TACC3: variants seen among roughly 807,000 people sequenced by gnomAD.
TACC3 encodes transforming acidic coiled-coil-containing protein 3.
Under a neutral mutation model 86.0 loss-of-function variants are expected in TACC3, and 52 were observed. That is an observed-to-expected ratio of 0.60 (90% confidence interval 0.48 to 0.76). The LOEUF is 0.76. TACC3 is among the 30% of genes least tolerant of loss of function. The pLI is 0.00. For synonymous variants in TACC3, 512 were observed against 430.0 expected, an observed-to-expected ratio of 1.19 and a Z score of -2.36; for missense variants, 1,120 against 1,070.4, an observed-to-expected ratio of 1.05 and a Z score of -0.65.
intron 13 of TACC3, among the ~76,000 whole-genome samples, chr4:1,742,993 C>T (rs1718667005): frequency 6.6e-6 from 1 of 152,170 alleles, no homozygotes. Flanking sequence ...AAAAACTAGG[C>T]CGGCTTATGC....
intron 6 of TACC3, among the ~76,000 whole-genome samples, chr4:1,731,597 A>G (rs1198480876): frequency 6.6e-6 from 1 of 152,214 alleles, no homozygotes; most frequent in Non-Finnish European, 1.5e-5. Flanking sequence ...GTGTAGAGTC[A>G]ACAACTGGAT....
chr4:1,737,616 G>A lies in TACC3; in HGVS notation c.1855G>A (p.Gly619Ser). ...LDIPVPGPPP[G>S]VPAPGGPPLS... The stretch of plus-strand genomic sequence containing the variant: ...CCCGCAGGTGCCAGGCCCACCCCCA[G>A]GTGTTCCCGCGCCTGGGGGCCCACC... The change falls in exon 10 of 16, where the codon GGT (glycine) becomes AGT (serine). Residue 619 changes from glycine (G) to serine (S), a missense_variant. Physicochemically the swap from Gly to Ser is moderately conservative, Grantham distance 56. Transcript: ENST00000313288. The A allele has an allele frequency of 6.6e-7, 1 of 1,522,770 alleles. No individual in the cohort carries two copies. Among genetic ancestry groups the A allele is most frequent in the Non-Finnish European group, 8.8e-7 (1 of 1,130,846 alleles). The allele number at this position is 1,522,770 out of a possible 1,614,324, so 94.3% of individuals were successfully genotyped here. A position where few individuals can be genotyped will look rare whatever the true frequency, so the allele number is the denominator to read the frequency against.
In TACC3 at chr4:1,744,520, C is replaced by G; in HGVS notation, c.2226C>G (p.Asn742Lys). ...AGCTAATGCCTGCCCCTTCCTAGAACGAAGAGTCACTGAAGAAGTGCGTGG... is the reference window on the plus strand; with the variant it reads ...AGCTAATGCCTGCCCCTTCCTAGAAGGAAGAGTCACTGAAGAAGTGCGTGG... ...QKEVIEGYRK[N>K]EESLKKCVED... Residue 742 changes from asparagine (N) to lysine (K), a missense_variant and splice_region_variant, in exon 14 of 16, where the codon AAC (asparagine) becomes AAG (lysine). Coordinates refer to ENST00000313288, the MANE Select transcript of TACC3 (RefSeq NM_006342.3). 6.2e-7 allele frequency: 1 copy of G among 1,612,562 alleles called. No homozygotes were observed. Among genetic ancestry groups the G allele is most frequent in the Non-Finnish European group, 8.5e-7 (1 of 1,179,616 alleles).
Position 1,735,390 on chromosome 4 carries a change from T to C in TACC3, c.1644+65T>C. 1 of 1,595,738 alleles carries C rather than the reference T, an allele frequency of 6.3e-7. No individual in the cohort carries two copies. The highest frequency in any genetic ancestry group is 2.2e-5 in the East Asian group (1 of 44,798). The stretch of plus-strand genomic sequence containing the variant: ...TGTCCGAGAGCAGCCACGGCAGGTC[T>C]TGCCCCCGGAGCGTCCCTTGGTGCC... On this transcript the variant is annotated intron_variant, in intron 7 of 15. Transcript: ENST00000313288. This position sits in a 1 kb window ranked among gnomAD's most constrained non-coding sequence, Gnocchi z 4.2.
chr4:1,737,978 C>CT (rs1343367746), intron 10 of TACC3: 3 of 532,594 alleles, frequency 5.6e-6, no homozygotes, highest in Non-Finnish European at 1.1e-5. Flanking sequence ...CTCTGGTGGC[C>CT]TTGCAGCAGT....
chr4:1,744,309 A>G, intron 13 of TACC3: 3 of 562,836 alleles, frequency 5.3e-6, no homozygotes, highest in Non-Finnish European at 9.5e-6. Flanking sequence ...CCGGCATCTC[A>G]GGGTGGAGAG....
At chr4:1,734,801 T>C (rs1377423940) in intron 6 of TACC3, among the ~76,000 whole-genome samples, 2 of 151,992 alleles carry the variant, frequency 1.3e-5, no homozygotes, top group Admixed American at 6.6e-5. Context: ...CTCCCTGTAA[T>C]AGGAGTGCAG....
intron 3 of TACC3, among the ~76,000 whole-genome samples, chr4:1,726,986 C>G (rs979786087): frequency 7.2e-5 from 11 of 152,046 alleles, no homozygotes; most frequent in Non-Finnish European, 1.5e-4. Flanking sequence ...ACAAAATTAG[C>G]CAGACATGGT....
rs1717786379 is a variant in TACC3, at chr4:1,728,072, TGCAAAGCGGAGACTCCGCACGGAGCC to T, written c.672_697del (p.Cys224Ter). ...GACTCCGCACGGAGCCGAGGAAGAA[TGCAAAGCGGAGACTCCGCACGGAGCC>T]GAGGAGGAATGCCGGCACGGTGGGG... On this transcript the variant is annotated frameshift_variant, in exon 4 of 16. Transcript: ENST00000313288. LOFTEE classifies it high-confidence loss of function. 6.5e-7 allele frequency: 1 copy of T among 1,542,184 alleles called. No homozygotes were observed. The highest frequency in any genetic ancestry group is 1.5e-5 in the African/African-American group (1 of 66,610).
intron 6 of TACC3, among the ~76,000 whole-genome samples, chr4:1,734,207 A>G (rs1452137206): frequency 4.6e-5 from 7 of 152,100 alleles, no homozygotes; most frequent in Admixed American, 3.9e-4. Flanking sequence ...TTTTTTCCCG[A>G]GACGGAGTCT....
chr4:1,730,199 C>A (rs577817364), intron 4 of TACC3, among the ~76,000 whole-genome samples: 7 of 152,226 alleles, frequency 4.6e-5, no homozygotes, highest in Admixed American at 2.6e-4. Flanking sequence ...CCACCATGCC[C>A]GGCTAATTTT....
rs909356578 is a variant in TACC3, at chr4:1,741,100, T to C, written c.2223+114T>C. On this transcript the variant is annotated intron_variant, in intron 13 of 15. Coordinates refer to ENST00000313288, the MANE Select transcript of TACC3 (RefSeq NM_006342.3). ...CCTTGGTCCTTGGCCAAGCCTCCCC[T>C]TGCCACGGGGGCATGGGATGACCTG... 3 of 1,031,918 alleles carry C rather than the reference T, an allele frequency of 2.9e-6. No homozygotes were observed. The East Asian group carries it at 7.5e-5, about 26-fold the overall frequency. 63.9% of individuals were successfully genotyped at this position (1,031,918 alleles called of 1,614,324 possible).
chr4:1,744,393 G>A (rs918224717), intron 13 of TACC3, 125 bp from the exon 14 acceptor site: 22 of 822,452 alleles, frequency 2.7e-5, no homozygotes, highest in South Asian at 1.9e-4. Context: ...AAAGGAAAAC[G>A]GGAGCTACTG....
rs551450105 is a variant in TACC3 at position 1,730,981 on chromosome 4, G to T, written c.1461+19G>T. The T allele has an allele frequency of 6.2e-7, 1 of 1,613,252 alleles. No homozygotes were observed. Among genetic ancestry groups the T allele is most frequent in the South Asian group, 1.1e-5 (1 of 91,078 alleles). ...GAGCAAGGTAAGGGGTGCTTGTGTG[G>T]GTACCTGTGCTCCTGGCCTGGTCGT... On this transcript the variant is annotated intron_variant, in intron 5 of 15. Transcript: ENST00000313288.
chr4:1,740,677 T>G (rs939590174), intron 12 of TACC3, 149 bp from the exon 13 acceptor site: 6 of 675,372 alleles, frequency 8.9e-6, no homozygotes, highest in Non-Finnish European at 1.6e-5. Context: ...AGATCCTGGG[T>G]GGAGGGACCC....
chr4:1,728,567 G>T lies in TACC3; in HGVS notation c.1165G>T (p.Gly389Ter), dbSNP rs1459318943. ...GGTGGAGGAGGACGACGGTAGGAGC[G>T]GAGCAGGAGAGGACCCCCCCATGCC... ...QEVEEDDGRS[G>*]AGEDPPMPAS... Residue 389 changes from glycine to a stop codon, truncating the protein, a stop_gained, in exon 4 of 16, where the codon GGA becomes TGA. Transcript: ENST00000313288. LOFTEE classifies it high-confidence loss of function. 1 of 1,613,926 alleles carries T rather than the reference G, an allele frequency of 6.2e-7. No individual in the cohort carries two copies. Among genetic ancestry groups the T allele is most frequent in the Non-Finnish European group, 8.5e-7 (1 of 1,179,930 alleles).
chr4:1,737,569 G>A (rs1442008040), intron 9 of TACC3, 29 bp from the exon 10 acceptor site: 1 of 1,470,704 alleles, frequency 6.8e-7, no homozygotes, highest in Admixed American at 2.3e-5. Flanking sequence ...GGGCGAAATG[G>A]GTTCCTGTTT....
At chr4:1,736,736 C>T (rs1394066832) in intron 8 of TACC3, among the ~76,000 whole-genome samples, 1 of 152,044 alleles carries the variant, frequency 6.6e-6, no homozygotes, top group Non-Finnish European at 1.5e-5. Context: ...TAGTGAACCC[C>T]CATCTCTACT....
chr4:1,737,604 G>A lies in TACC3; in HGVS notation c.1843G>A (p.Gly615Ser). 6.6e-7 allele frequency: 1 copy of A among 1,512,134 alleles called. No homozygotes were observed. The highest frequency in any genetic ancestry group is 8.9e-7 in the Non-Finnish European group (1 of 1,125,234). 93.7% of individuals were successfully genotyped at this position (1,512,134 alleles called of 1,614,324 possible). A position where few individuals can be genotyped will look rare whatever the true frequency, so the allele number is the denominator to read the frequency against. ...FLGALDIPVP[G>S]PPPGVPAPGG... is the part of the protein sequence containing the mutation. ...TCATCCCCATCTCCCGCAGGTGCCA[G>A]GCCCACCCCCAGGTGTTCCCGCGCC... The change falls in exon 10 of 16, where the codon GGC (glycine) becomes AGC (serine). Residue 615 changes from glycine (G) to serine (S), a missense_variant. Coordinates refer to ENST00000313288, the MANE Select transcript of TACC3 (RefSeq NM_006342.3).
Sources: allele counts gnomAD v4.1 joint callset (sites outside exome capture counted in the v4.1 genomes callset), GRCh38; gene constraint gnomAD v4.1.1; non-coding constraint Gnocchi (gnomAD v3.1); transcripts MANE v1.5; gene names NCBI Gene and HGNC (gene_info 2026-07-23, HGNC 2026-07-21).